Variants in STOM observed in about 807,000 individuals in gnomAD.
The protein encoded by STOM is stomatin.
In STOM, 25 loss-of-function variants were observed where a neutral mutation model predicts 30.6. The observed-to-expected ratio is 0.82, with a 90% confidence interval of 0.60 to 1.14. The LOEUF is 1.14. STOM is among the 50% of genes most tolerant of loss of function. STOM has a pLI of 0.00. For missense variants in STOM, 292 were observed against 365.2 expected, an observed-to-expected ratio of 0.80 and a Z score of 1.63; for synonymous variants, 118 against 130.8, an observed-to-expected ratio of 0.90 and a Z score of 0.67.
At chr9:121,365,943 T>C (rs2064499210) in intron 1 of STOM, among the ~76,000 whole-genome samples, 1 of 152,172 alleles carries the variant, frequency 6.6e-6, no homozygotes, top group Admixed American at 6.5e-5. Flanking sequence ...ACAATCTGCT[T>C]GGGGACTCTA....
chr9:121,359,735 T>C (rs1332635361), intron 1 of STOM, among the ~76,000 whole-genome samples: 1 of 152,142 alleles, frequency 6.6e-6, no homozygotes, highest in African/African-American at 2.4e-5. Context: ...GACTCAAATA[T>C]GGGTCATCTT....
chr9:121,367,167 G>A (rs973505112), intron 1 of STOM, among the ~76,000 whole-genome samples: 1 of 152,136 alleles, frequency 6.6e-6, no homozygotes, highest in African/African-American at 2.4e-5. Flanking sequence ...ATAGAGATAT[G>A]CACAGGATAC....
intron 2 of STOM, among the ~76,000 whole-genome samples, chr9:121,355,231 C>CAAAAAAAAA (rs762080105): frequency 3.6e-5 from 3 of 83,354 alleles, no homozygotes; most frequent in Non-Finnish European, 6.8e-5. Context: ...GACTCCGTCT[C>CAAAAAAAAA]AAAAAAAAAA....
intron 1 of STOM, chr9:121,366,153 AG>A: frequency 1.6e-5 from 16 of 985,366 alleles, no homozygotes; most frequent in Non-Finnish European, 1.8e-5. Flanking sequence ...AGTTCAGTAT[AG>A]TTTTCATTGT....
rs932764964 is a variant in STOM at position 121,355,248 on chromosome 9, A to AT, written c.166-576_166-575insA. On this transcript the variant is annotated intron_variant, in intron 2 of 6. Transcript: ENST00000286713. ...CTCCGTCTCAAAAAAAAAAAAAAAA[A>AT]AATAATAATAATAATAATAATCCCA... 6.2e-3 allele frequency among the ~76,000 whole-genome samples: 811 copies of AT among 131,208 alleles called. 18 individuals carry two copies. The highest frequency in any genetic ancestry group is 0.022 in the African/African-American group (756 of 34,368). 86.1% of individuals were successfully genotyped at this position (131,208 alleles called of 152,430 possible). A position where few individuals can be genotyped will look rare whatever the true frequency, so the allele number is the denominator to read the frequency against.
At chr9:121,354,448 A>G (rs2064366644) in intron 3 of STOM, among the ~76,000 whole-genome samples, 153 bp downstream of exon 3, 1 of 152,012 alleles carries the variant, frequency 6.6e-6, no homozygotes, top group African/African-American at 2.4e-5. Context: ...TGAGGTCAGG[A>G]GTTCAAGGCT....
At chr9:121,366,665 G>A (rs2064506282) in intron 1 of STOM, among the ~76,000 whole-genome samples, 1 of 152,122 alleles carries the variant, frequency 6.6e-6, no homozygotes, top group South Asian at 2.1e-4. Context: ...ACTTAACAAT[G>A]TTATTTACTC....
In STOM at chr9:121,349,222, TGA is replaced by T. The variant is rs776288543; in HGVS notation, c.421_422del (p.Ala142AsnfsTer24). 1.5e-5 allele frequency: 24 copies of T among 1,614,098 alleles called. No individual in the cohort carries two copies. Among genetic ancestry groups the T allele is most frequent in the Non-Finnish European group, 2.0e-5 (24 of 1,180,040 alleles). The part of the protein sequence containing the change: ...LAVANITNAD[S>X]ATRLLAQTTL... ...TAGTTTGTGCCAAAAGACGGGTTGCTGAGTCAGCGTTGGTGATATTTGCCACA... is the reference window on the plus strand; with the variant it reads ...TAGTTTGTGCCAAAAGACGGGTTGCTGTCAGCGTTGGTGATATTTGCCACA... On this transcript the variant is annotated frameshift_variant, in exon 5 of 7. Coordinates refer to ENST00000286713, the MANE Select transcript of STOM (RefSeq NM_004099.6). LOFTEE classifies it high-confidence loss of function.
Position 121,354,654 on chromosome 9 carries a change from C to G in STOM, c.185G>C (p.Arg62Thr). ...GCGACCCAATCTAAAGATGATGGCT[C>G]TTTCATACTCTTTTATAATCTAGAA... ...MCIKIIKEYE[R>T]AIIFRLGRIL... is the part of the protein sequence containing the mutation. The change falls in exon 3 of 7, where the codon AGA becomes ACA. Residue 62 changes from arginine (R) to threonine (T), a missense_variant. Transcript: ENST00000286713. 6.2e-7 allele frequency: 1 copy of G among 1,610,468 alleles called. No individual in the cohort carries two copies. Among genetic ancestry groups the G allele is most frequent in the Non-Finnish European group, 8.5e-7 (1 of 1,177,810 alleles).
chr9:121,349,804 T>C (rs1454135950), intron 4 of STOM, among the ~76,000 whole-genome samples: 1 of 152,236 alleles, frequency 6.6e-6, no homozygotes, highest in Non-Finnish European at 1.5e-5. Context: ...GCATGGGGAA[T>C]GTTTTTAAAG....
At position 121,339,655 on chromosome 9, in the gene STOM, C is replaced by A. The variant is rs189082786; in HGVS notation, c.*1547G>T. The stretch of plus-strand genomic sequence containing the variant: ...CAAAGAGGAAATGTTACAAATGTCA[C>A]CCGCCAGCTTTCTGGCCAGTAAGCA... On this transcript the variant is annotated 3_prime_UTR_variant, in exon 7 of 7. Transcript: ENST00000286713. The A allele has an allele frequency of 3.9e-5, 48 of 1,231,624 alleles. No homozygotes were observed. In the East Asian group the frequency reaches 1.5e-3, roughly 37 times the overall value. The allele number at this position is 1,231,624 out of a possible 1,614,324, so 76.3% of individuals were successfully genotyped here.
chr9:121,349,056 A>T, intron 5 of STOM, 64 bp downstream of exon 5: 1 of 1,546,932 alleles, frequency 6.5e-7, no homozygotes, highest in African/African-American at 1.4e-5. Flanking sequence ...GTTCTCAAAC[A>T]ACCATTGACT....
At chr9:121,341,663 A>G (rs2064248136) in intron 6 of STOM, among the ~76,000 whole-genome samples, 1 of 152,230 alleles carries the variant, frequency 6.6e-6, no homozygotes, top group African/African-American at 2.4e-5. Flanking sequence ...CCAGGGTAAC[A>G]AACAAAGGGA....
At chr9:121,364,705 A>T (rs1434529498) in intron 1 of STOM, among the ~76,000 whole-genome samples, 1 of 152,218 alleles carries the variant, frequency 6.6e-6, no homozygotes, top group African/African-American at 2.4e-5. Context: ...GTTTTCCTGC[A>T]TTCAAATGTT....
rs1302569600 is a variant in STOM, at chr9:121,348,036, C to CGCTTCT, written c.633_638dup (p.Glu212_Ala213dup). On this transcript the variant is annotated inframe_insertion, in exon 6 of 7. Transcript: ENST00000286713. ...TTACCTTGGCGCGGGCCTCGCGGGA[C>CGCTTCT]GCTTCTGCTTCTGCAGCCATAGCTC... 6.2e-7 allele frequency: 1 copy of CGCTTCT among 1,614,030 alleles called. No homozygotes were observed. Among genetic ancestry groups the CGCTTCT allele is most frequent in the Non-Finnish European group, 8.5e-7 (1 of 1,179,940 alleles).
chr9:121,348,804 C>G (rs1254449230), intron 5 of STOM, among the ~76,000 whole-genome samples: 1 of 152,144 alleles, frequency 6.6e-6, no homozygotes, highest in Non-Finnish European at 1.5e-5. Flanking sequence ...GACTCACACA[C>G]AGAATAAAGC....
chr9:121,342,366 C>CAAA (rs200857952), intron 6 of STOM, among the ~76,000 whole-genome samples: 1 of 99,242 alleles, frequency 1.0e-5, no homozygotes. Context: ...GAATCTGTCT[C>CAAA]AAAAAAAAAA....
At position 121,339,470 on chromosome 9, in the gene STOM, G is replaced by A. The variant is rs1344564170; in HGVS notation, c.*1732C>T. The stretch of plus-strand genomic sequence containing the variant: ...ACTCAGCTAGGAGCCAGGATACATG[G>A]TAGTTCAAGGCTTCCTAAAATAAGC... On this transcript the variant is annotated 3_prime_UTR_variant, in exon 7 of 7. Coordinates refer to ENST00000286713, the MANE Select transcript of STOM (RefSeq NM_004099.6). 1 of 1,121,400 alleles carries A rather than the reference G, an allele frequency of 8.9e-7. No individual in the cohort carries two copies. The highest frequency in any genetic ancestry group is 1.6e-5 in the African/African-American group (1 of 62,186). 69.5% of individuals were successfully genotyped at this position (1,121,400 alleles called of 1,614,324 possible).
At chr9:121,364,123 A>G (rs528457331) in intron 1 of STOM, among the ~76,000 whole-genome samples, 2 of 152,324 alleles carry the variant, frequency 1.3e-5, no homozygotes, top group South Asian at 4.1e-4. Context: ...ACAGAATCCT[A>G]CAAAGAGAGA....
Sources: gnomAD v4.1 joint callset for allele counts (sites outside exome capture counted in the v4.1 genomes callset) on GRCh38, gnomAD v4.1.1 for gene constraint, MANE v1.5 for transcripts, NCBI Gene and HGNC (gene_info 2026-07-23, HGNC 2026-07-21) for gene names.